UGT1A10: variants seen among roughly 807,000 people sequenced by gnomAD.
The protein encoded by UGT1A10 is UDP glucuronosyltransferase family 1 member A10.
Under a neutral mutation model 45.8 loss-of-function variants are expected in UGT1A10, and 49 were observed. The observed-to-expected ratio is 1.07, with a 90% CI of 0.85 to 1.36. The LOEUF is 1.36. Among genes scored for constraint, UGT1A10 ranks in the 40% most tolerant of loss-of-function variants. The probability of loss-of-function intolerance (pLI) is 0.00; values close to 1 mark genes in which losing one functional copy is unlikely to be tolerated. For synonymous variants in UGT1A10, 284 were observed against 249.7 expected, an observed-to-expected ratio of 1.14 and a Z score of -1.29; for missense variants, 745 against 668.6, an observed-to-expected ratio of 1.11 and a Z score of -1.26.
At chr2:233,648,797 A>G (rs2073668416) in intron 1 of UGT1A10, 4 of 920,440 alleles carry the variant, frequency 4.3e-6, no homozygotes, top group South Asian at 1.3e-5. Flanking sequence ...AGAGTAAGGA[A>G]CCACATCTTC....
At chr2:233,729,540 C>A in intron 1 of UGT1A10, 1 of 1,614,202 alleles carries the variant, frequency 6.2e-7, no homozygotes, top group Middle Eastern at 1.6e-4. Context: ...AGGCCCTGAT[C>A]AGGCACCTGA....
In UGT1A10 at chr2:233,769,761, G is replaced by C; in HGVS notation, c.1295+1322G>C. 7.1e-6 allele frequency: 10 copies of C among 1,414,228 alleles called. No homozygotes were observed. The highest frequency in any genetic ancestry group is 9.3e-6 in the Non-Finnish European group (10 of 1,080,644). 87.6% of individuals were successfully genotyped at this position (1,414,228 alleles called of 1,614,324 possible). A position where few individuals can be genotyped will look rare whatever the true frequency, so the allele number is the denominator to read the frequency against. On this transcript the variant is annotated intron_variant, in intron 4 of 4. Transcript: ENST00000344644. The surrounding 1 kb of genome is among the most constrained non-coding windows in gnomAD (Gnocchi z 4.4). ...TCCCAGCCACTCTGGAGGCTAAGGC[G>C]GGAGGATTGCTTGAGCCCAGAAGTT...
intron 1 of UGT1A10, chr2:233,740,675 C>T (rs946709661): frequency 1.3e-5 from 2 of 151,760 alleles, no homozygotes; most frequent in African/African-American, 2.4e-5. Flanking sequence ...CAGGTGTTTC[C>T]ATGGAGGGTG....
intron 1 of UGT1A10, chr2:233,744,153 G>A (rs1282239718): frequency 6.6e-6 from 2 of 302,660 alleles, no homozygotes; most frequent in Non-Finnish European, 1.3e-5. Flanking sequence ...TCCAAGACCA[G>A]GCCCCGCCCA....
Position 233,636,765 on chromosome 2 carries a change from C to A in UGT1A10, c.243C>A (p.Tyr81Ter). The A allele has an allele frequency of 6.2e-7, 1 of 1,614,196 alleles. No individual in the cohort carries two copies. The highest frequency in any genetic ancestry group is 8.5e-7 in the Non-Finnish European group (1 of 1,180,030). Residue 81 changes from tyrosine (Y) to a stop codon, truncating the protein, a stop_gained, in exon 1 of 5, where the codon TAC becomes TAA. Coordinates refer to ENST00000344644, the MANE Select transcript of UGT1A10 (RefSeq NM_019075.4). LOFTEE classifies it high-confidence loss of function. ...CAGTGAAGACTTACTCAACCTCGTA[C>A]ACTCTGGAAGATCAGAACCGGGAAT... Reference protein sequence around the residue: ...NCTVKTYSTSYTLEDQNREFM... With the variant: ...NCTVKTYSTS
intron 1 of UGT1A10, chr2:233,729,470 CAATGTTGAACA>C: frequency 6.2e-7 from 1 of 1,614,122 alleles, no homozygotes; most frequent in African/African-American, 1.3e-5. Context: ...AGAAGTATGG[CAATGTTGAACA>C]ATATGTCTTT....
At chr2:233,691,505 T>G in intron 1 of UGT1A10, 1 of 985,776 alleles carries the variant, frequency 1.0e-6, no homozygotes, top group Non-Finnish European at 1.2e-6. Context: ...GGAACTCGCG[T>G]GCCAGCCAGG....
At chr2:233,689,335 A>G (rs910891735) in intron 1 of UGT1A10, among the ~76,000 whole-genome samples, 4 of 152,252 alleles carry the variant, frequency 2.6e-5, no homozygotes, top group African/African-American at 9.6e-5. Flanking sequence ...GAGATTTGCA[A>G]TGGGAGAAAG....
chr2:233,731,547 T>C (rs548605747), intron 1 of UGT1A10, among the ~76,000 whole-genome samples: 5 of 152,336 alleles, frequency 3.3e-5, no homozygotes, highest in African/African-American at 1.2e-4. Flanking sequence ...TGGTTTTCTG[T>C]CCATGTGATA....
intron 1 of UGT1A10, among the ~76,000 whole-genome samples, chr2:233,757,535 A>AATATATATACATATATAT (rs376887521): frequency 1.2e-3 from 108 of 88,048 alleles, no homozygotes; most frequent in Non-Finnish European, 1.7e-3. Context: ...GCCTGTAAGG[A>AATATATATACATATATAT]ATATATATAT....
intron 1 of UGT1A10, among the ~76,000 whole-genome samples, chr2:233,752,099 T>C (rs947761592): frequency 1.3e-5 from 2 of 152,204 alleles, no homozygotes; most frequent in Admixed American, 1.3e-4. Context: ...AGACAGAAAG[T>C]AGAATCAGAG....
At chr2:233,638,080 T>A (rs1426129022) in intron 1 of UGT1A10, among the ~76,000 whole-genome samples, 1 of 152,150 alleles carries the variant, frequency 6.6e-6, no homozygotes, top group Non-Finnish European at 1.5e-5. Flanking sequence ...TTTATCTTAG[T>A]AGACTAGAGT....
chr2:233,690,526 C>G (rs1212510465), intron 1 of UGT1A10: 1 of 1,289,614 alleles, frequency 7.8e-7, no homozygotes, highest in African/African-American at 1.5e-5. Flanking sequence ...TTAGGATCTA[C>G]TTCTTTCACC....
chr2:233,719,696 T>C (rs748911565), intron 1 of UGT1A10: 44 of 1,613,934 alleles, frequency 2.7e-5, no homozygotes, highest in Middle Eastern at 1.6e-4. Context: ...AGGTCTGTAT[T>C]GGTGCCTTCA....
chr2:233,691,173 G>C, intron 1 of UGT1A10: 1 of 985,646 alleles, frequency 1.0e-6, no homozygotes, highest in Non-Finnish European at 1.2e-6. Context: ...CCTAATGTCT[G>C]CCTGCTCAAG....
At chr2:233,645,643 C>T (rs2073580647) in intron 1 of UGT1A10, among the ~76,000 whole-genome samples, 1 of 152,236 alleles carries the variant, frequency 6.6e-6, no homozygotes, top group South Asian at 2.1e-4. Flanking sequence ...AATCTTAAAG[C>T]TCCAAAATGA....
intron 1 of UGT1A10, chr2:233,719,098 C>A (rs188914242): frequency 6.2e-7 from 1 of 1,614,122 alleles, no homozygotes; most frequent in Non-Finnish European, 8.5e-7. Flanking sequence ...GATCGCGTTA[C>A]GCTGGGCTAC....
At position 233,767,864 on chromosome 2, in the gene UGT1A10, A is replaced by G. The variant is rs748591879; in HGVS notation, c.1003A>G (p.Thr335Ala). 51 of 1,614,144 alleles carry G rather than the reference A, an allele frequency of 3.2e-5. No individual in the cohort carries two copies. Among genetic ancestry groups the G allele is most frequent in the Non-Finnish European group, 3.9e-5 (46 of 1,180,042 alleles). Residue 335 changes from threonine (T) to alanine (A), a missense_variant, in exon 3 of 5, where the codon ACT (threonine) becomes GCT (alanine). Transcript: ENST00000344644. ...CCCCTCCCAGGTCCTGTGGCGGTAC[A>G]CTGGAACCCGACCATCGAATCTTGC... ...KIPQTVLWRYTGTRPSNLANN... is the reference protein window; with the variant it reads ...KIPQTVLWRYAGTRPSNLANN...
intron 1 of UGT1A10, among the ~76,000 whole-genome samples, chr2:233,664,346 A>G (rs1223666901): frequency 6.6e-6 from 1 of 152,174 alleles, no homozygotes; most frequent in Non-Finnish European, 1.5e-5. Flanking sequence ...AATTTTCAGT[A>G]TCTTTATAGC....
Sources: gnomAD v4.1 joint callset for allele counts (sites outside exome capture counted in the v4.1 genomes callset) on GRCh38, gnomAD v4.1.1 for gene constraint, Gnocchi (gnomAD v3.1) non-coding constraint, MANE v1.5 for transcripts, NCBI Gene and HGNC (gene_info 2026-07-23, HGNC 2026-07-21) for gene names.